GRIP1: variants seen among roughly 807,000 people sequenced by gnomAD.
The protein encoded by GRIP1 is glutamate receptor interacting protein 1, also known as glutamate receptor-interacting protein 1.
GRIP1 carries 45 observed loss-of-function variants against 129.9 expected under a neutral mutation model. The observed-to-expected ratio is 0.35, with a 90% CI of 0.27 to 0.44. The LOEUF is 0.44. Ranked by LOEUF, GRIP1 falls within the 20% of genes least tolerant of loss-of-function variation. The pLI is 1.00. For missense variants in GRIP1, 1,196 were observed against 1,396.8 expected (o/e 0.86, Z 2.29); for synonymous variants, 530 against 520.8 (o/e 1.02, Z -0.24).
At chr12:66,975,652 T>C (rs2042140514) in intron 1 of GRIP1, among the ~76,000 whole-genome samples, 1 of 152,194 alleles carries the variant, frequency 6.6e-6, no homozygotes, top group South Asian at 2.1e-4. Context: ...GAAAGTCAAT[T>C]ACTAAAAAAT....
chr12:66,356,122 T>C (rs2054478863), intron 23 of GRIP1, among the ~76,000 whole-genome samples: 2 of 152,190 alleles, frequency 1.3e-5, no homozygotes, highest in Non-Finnish European at 2.9e-5. Context: ...GAGACCCAGA[T>C]TCCCGGACAG....
chr12:67,052,948 T>A (rs2043372360), intron 1 of GRIP1, among the ~76,000 whole-genome samples: 1 of 152,202 alleles, frequency 6.6e-6, no homozygotes. Flanking sequence ...TTCAGATTCT[T>A]AAAGCCCAAA....
intron 1 of GRIP1, among the ~76,000 whole-genome samples, chr12:66,912,844 G>A (rs959550615): frequency 1.5e-4 from 23 of 152,128 alleles, no homozygotes; most frequent in African/African-American, 5.6e-4. Flanking sequence ...TAAATTAATA[G>A]AAAAGGCATG....
At chr12:66,905,974 G>C (rs2040924818) in intron 1 of GRIP1, among the ~76,000 whole-genome samples, 1 of 151,980 alleles carries the variant, frequency 6.6e-6, no homozygotes, top group Non-Finnish European at 1.5e-5. Context: ...TAAAAAGGTG[G>C]TCAGTTCTCG....
intron 7 of GRIP1, among the ~76,000 whole-genome samples, chr12:66,484,943 C>A (rs1420492848): frequency 2.0e-5 from 3 of 152,090 alleles, no homozygotes. Flanking sequence ...CACGTGTACC[C>A]TATAACTATG....
chr12:66,834,462 G>A (rs907784031), intron 1 of GRIP1, among the ~76,000 whole-genome samples: 4 of 152,162 alleles, frequency 2.6e-5, no homozygotes, highest in African/African-American at 7.2e-5. Flanking sequence ...ATAAAGCACT[G>A]TAAAGGCTTA....
At chr12:67,018,673 T>C (rs1261773651) in intron 1 of GRIP1, among the ~76,000 whole-genome samples, 1 of 151,956 alleles carries the variant, frequency 6.6e-6, no homozygotes, top group East Asian at 1.9e-4. Flanking sequence ...TCCACAGAGG[T>C]CTCTTGGATG....
At chr12:66,785,363 T>TATATATA (rs5798837) in intron 1 of GRIP1, among the ~76,000 whole-genome samples, 13 of 141,614 alleles carry the variant, frequency 9.2e-5, no homozygotes, top group South Asian at 2.3e-4. Flanking sequence ...TATATATATA[T>TATATATA]TAGTTGGGCA....
intron 15 of GRIP1, among the ~76,000 whole-genome samples, chr12:66,417,095 C>T (rs1259915384): frequency 6.6e-6 from 1 of 152,030 alleles, no homozygotes; most frequent in Non-Finnish European, 1.5e-5. Context: ...TTCATCACAA[C>T]CAAGTTGGAT....
intron 5 of GRIP1, among the ~76,000 whole-genome samples, chr12:66,518,669 G>A (rs1023185943): frequency 2.0e-5 from 3 of 152,020 alleles, no homozygotes; most frequent in Non-Finnish European, 2.9e-5. Context: ...CTCCCCCAGC[G>A]TCTGCATGAA....
chr12:66,657,771 C>T lies in GRIP1; in HGVS notation c.55+21079G>A, dbSNP rs559922488. Among the ~76,000 whole-genome samples, 7 of 152,166 alleles carry T rather than the reference C, an allele frequency of 4.6e-5. No individual in the cohort carries two copies. The East Asian group carries it at 1.4e-3, about 29-fold the overall frequency. Reference sequence around the variant, plus strand: ...CCCGCATATCTAGCATGAACCTAATCGCCATGAAAATGTATGACTCTTCCT... The same window carrying T: ...CCCGCATATCTAGCATGAACCTAATTGCCATGAAAATGTATGACTCTTCCT... On this transcript the variant is annotated intron_variant, in intron 1 of 24. Coordinates refer to ENST00000359742, the MANE Select transcript of GRIP1 (RefSeq NM_001366722.1).
At chr12:66,562,061 T>C (rs919777127) in intron 2 of GRIP1, among the ~76,000 whole-genome samples, 5 of 152,090 alleles carry the variant, frequency 3.3e-5, no homozygotes, top group South Asian at 2.1e-4. Context: ...TGAGCCATGA[T>C]TGCACTACAG....
intron 7 of GRIP1, among the ~76,000 whole-genome samples, chr12:66,477,388 C>G (rs1484150551): frequency 2.6e-5 from 4 of 151,752 alleles, no homozygotes; most frequent in Admixed American, 6.6e-5. Context: ...AGGATACAAA[C>G]AAATGGAAGA....
chr12:66,521,884 C>T (rs1193409975), intron 5 of GRIP1, among the ~76,000 whole-genome samples: 3 of 152,328 alleles, frequency 2.0e-5, no homozygotes, highest in African/African-American at 2.4e-5. Flanking sequence ...GGTCCTACGC[C>T]CATGGAGTCT....
intron 1 of GRIP1, among the ~76,000 whole-genome samples, chr12:66,921,638 A>C (rs2041215024): frequency 6.6e-6 from 1 of 152,208 alleles, no homozygotes; most frequent in Non-Finnish European, 1.5e-5. Context: ...CTGGGGGTAG[A>C]ACATTATACT....
chr12:66,570,139 G>A (rs1356765667), intron 2 of GRIP1, among the ~76,000 whole-genome samples: 2 of 152,058 alleles, frequency 1.3e-5, no homozygotes, highest in Non-Finnish European at 2.9e-5. Context: ...ATATATTAGA[G>A]ACAGGGTCTT....
upstream of GRIP1, among the ~76,000 whole-genome samples, chr12:66,805,123 C>G (rs910880699): frequency 3.3e-5 from 5 of 152,092 alleles, no homozygotes; most frequent in East Asian, 9.6e-4. Context: ...TTAGACTGAA[C>G]TCAAATATAA....
At chr12:66,538,494 C>G (rs2061674351) in intron 4 of GRIP1, among the ~76,000 whole-genome samples, 1 of 152,098 alleles carries the variant, frequency 6.6e-6, no homozygotes, top group African/African-American at 2.4e-5. Flanking sequence ...CCATGCCTAG[C>G]CCTTGCAGTA....
At chr12:66,947,153 C>T (rs987875331) in intron 1 of GRIP1, among the ~76,000 whole-genome samples, 6 of 152,164 alleles carry the variant, frequency 3.9e-5, no homozygotes, top group African/African-American at 1.4e-4. Context: ...ACAGGAAGCT[C>T]ATCTCCTCGC....
Sources: gnomAD v4.1 joint callset for allele counts (sites outside exome capture counted in the v4.1 genomes callset) on GRCh38, gnomAD v4.1.1 for gene constraint, MANE v1.5 for transcripts, NCBI Gene and HGNC (gene_info 2026-07-23, HGNC 2026-07-21) for gene names.